PCSK5: variants seen among roughly 807,000 people sequenced by gnomAD.
PCSK5 encodes the protein prohormone convertase 5.
A neutral mutation model predicts 233.2 loss-of-function variants in PCSK5; 129 were observed. The observed-to-expected ratio is 0.55, with a 90% CI of 0.48 to 0.64. PCSK5 has a LOEUF of 0.64. Among genes scored for constraint, PCSK5 ranks in the 30% least tolerant of loss-of-function variants. The probability of loss-of-function intolerance (pLI) is 0.00; values close to 1 mark genes in which losing one functional copy is unlikely to be tolerated. For synonymous variants in PCSK5, 825 were observed against 879.2 expected (o/e 0.94, Z 1.09); for missense variants, 2,076 against 2,430.1 (o/e 0.85, Z 3.06).
chr9:75,981,242 C>A (rs1235864443), intron 2 of PCSK5, among the ~76,000 whole-genome samples: 1 of 152,064 alleles, frequency 6.6e-6, no homozygotes, highest in African/African-American at 2.4e-5. Flanking sequence ...CCTAGTCAAA[C>A]CACACAATTA....
At chr9:76,324,764 G>A (rs903682901) in intron 32 of PCSK5, among the ~76,000 whole-genome samples, 3 of 152,198 alleles carry the variant, frequency 2.0e-5, no homozygotes, top group Admixed American at 6.5e-5. Context: ...TAGCAAGTGA[G>A]AGAAATGTTG....
At chr9:76,123,136 G>C (rs909480225) in intron 9 of PCSK5, among the ~76,000 whole-genome samples, 1 of 151,960 alleles carries the variant, frequency 6.6e-6, no homozygotes, top group Non-Finnish European at 1.5e-5. Flanking sequence ...GAGCCACTGC[G>C]CCCGGCCTAC....
intron 20 of PCSK5, among the ~76,000 whole-genome samples, chr9:76,199,277 C>T (rs144417462): frequency 1.3e-5 from 2 of 152,280 alleles, no homozygotes; most frequent in Admixed American, 6.5e-5. Context: ...GTACTGAATA[C>T]TGCATGCAGT....
Position 76,241,943 on chromosome 9 carries a change from G to A in PCSK5, c.3142+1259G>A, listed in dbSNP as rs944743018. ...TGCAGATTCTGATTCACTGATCTAA[G>A]GTGGGCCTGAGGATTTGTGTTTCTG... On this transcript the variant is annotated intron_variant, in intron 24 of 37. Coordinates refer to ENST00000674117, the MANE Select transcript of PCSK5 (RefSeq NM_001372043.1). Among the ~76,000 whole-genome samples the A allele has an allele frequency of 2.6e-5, 4 of 152,242 alleles. No individual in the cohort carries two copies. In the East Asian group the frequency reaches 7.7e-4, roughly 29 times the overall value.
chr9:75,954,905 C>G (rs535231526), intron 2 of PCSK5, among the ~76,000 whole-genome samples: 1 of 152,286 alleles, frequency 6.6e-6, no homozygotes, highest in Admixed American at 6.5e-5. Context: ...GAAATGCTAT[C>G]TATTTGTACC....
chr9:76,189,044 C>A, intron 18 of PCSK5, 50 bp from the exon 19 acceptor site: 1 of 1,581,396 alleles, frequency 6.3e-7, no homozygotes. Context: ...CATGACACCA[C>A]CTCCTCTGAG....
At chr9:76,134,288 CAG>C in intron 10 of PCSK5, 76 bp downstream of exon 10, 1 of 832,922 alleles carries the variant, frequency 1.2e-6, no homozygotes, top group Non-Finnish European at 1.9e-6. Flanking sequence ...GAGCAGGAAA[CAG>C]AACCCCTCAA....
At chr9:75,985,483 G>A (rs972710304) in intron 2 of PCSK5, among the ~76,000 whole-genome samples, 5 of 151,708 alleles carry the variant, frequency 3.3e-5, no homozygotes, top group African/African-American at 7.3e-5. Context: ...TCTTTCCACC[G>A]CACGGTGTTG....
chr9:75,932,612 C>T (rs1823861855), intron 2 of PCSK5, 129 bp downstream of exon 2: 1 of 648,796 alleles, frequency 1.5e-6, no homozygotes, highest in Non-Finnish European at 2.8e-6. Context: ...ATCCTTTGGT[C>T]TAGTGTCTAT....
chr9:76,146,788 C>T (rs1823459592), intron 10 of PCSK5, among the ~76,000 whole-genome samples: 1 of 152,038 alleles, frequency 6.6e-6, no homozygotes, highest in Admixed American at 6.6e-5. Flanking sequence ...GAAAGAAATT[C>T]TGAAGACTTG....
chr9:76,183,692 A>G (rs991100694), intron 16 of PCSK5, among the ~76,000 whole-genome samples: 2 of 152,210 alleles, frequency 1.3e-5, no homozygotes, highest in Admixed American at 1.3e-4. Flanking sequence ...TTCGTATTTC[A>G]TGCTCAGAGG....
chr9:76,258,046 A>G, intron 24 of PCSK5, among the ~76,000 whole-genome samples: 1 of 152,086 alleles, frequency 6.6e-6, no homozygotes. Flanking sequence ...TCCCTTTTCC[A>G]CAGCTCCCAG....
Position 75,910,524 on chromosome 9 carries a change from A to G in PCSK5, c.192+19151A>G, listed in dbSNP as rs190201855. On this transcript the variant is annotated intron_variant, in intron 1 of 37. Coordinates refer to ENST00000674117, the MANE Select transcript of PCSK5 (RefSeq NM_001372043.1). ...CGGTTCTTTGCATGAAACTTATTCTATGAGTTCAGATAGACCTGTTAATCA... is the reference window on the plus strand; with the variant it reads ...CGGTTCTTTGCATGAAACTTATTCTGTGAGTTCAGATAGACCTGTTAATCA... Among the ~76,000 whole-genome samples the G allele has an allele frequency of 1.2e-3, 178 of 151,520 alleles. 2 individuals carry two copies. Among genetic ancestry groups the G allele is most frequent in the Admixed American group, 2.8e-3 (42 of 15,238 alleles).
intron 34 of PCSK5, among the ~76,000 whole-genome samples, chr9:76,333,650 T>C (rs1296470071): frequency 6.6e-6 from 1 of 152,208 alleles, no homozygotes; most frequent in Non-Finnish European, 1.5e-5. Flanking sequence ...AGATTGATGA[T>C]AGGCCTGTTG....
At chr9:76,263,701 C>T (rs921370163) in intron 24 of PCSK5, among the ~76,000 whole-genome samples, 1 of 151,694 alleles carries the variant, frequency 6.6e-6, no homozygotes, top group Admixed American at 6.6e-5. Flanking sequence ...ATGGGTGCAG[C>T]ACACCAGCAT....
At chr9:76,276,230 TA>T (rs1278514601) in intron 24 of PCSK5, among the ~76,000 whole-genome samples, 1 of 151,870 alleles carries the variant, frequency 6.6e-6, no homozygotes, top group Admixed American at 6.6e-5. Flanking sequence ...TATAAATAAA[TA>T]AAAAAATAAA....
chr9:76,337,778 T>C (rs917044251), intron 34 of PCSK5, among the ~76,000 whole-genome samples: 1 of 151,936 alleles, frequency 6.6e-6, no homozygotes, highest in Non-Finnish European at 1.5e-5. Context: ...CCAGCCTGGA[T>C]GGATCTTTTA....
intron 2 of PCSK5, among the ~76,000 whole-genome samples, chr9:75,962,781 T>C (rs1345022160): frequency 6.6e-6 from 1 of 152,176 alleles, no homozygotes; most frequent in Non-Finnish European, 1.5e-5. Flanking sequence ...CACACCCAAG[T>C]GGCTGGCGGA....
At chr9:76,061,528 A>T (rs577234189) in intron 5 of PCSK5, among the ~76,000 whole-genome samples, 1 of 152,338 alleles carries the variant, frequency 6.6e-6, no homozygotes, top group East Asian at 1.9e-4. Context: ...GTCTCATTAA[A>T]GGAATTACAC....
Sources: gnomAD v4.1 joint callset for allele counts (sites outside exome capture counted in the v4.1 genomes callset) on GRCh38, gnomAD v4.1.1 for gene constraint, MANE v1.5 for transcripts, NCBI Gene and HGNC (gene_info 2026-07-23, HGNC 2026-07-21) for gene names.